The following FSIP1 variants were observed in gnomAD, a reference collection of about 807,000 sequenced individuals.
FSIP1 encodes the protein fibrous sheath-interacting protein 1.
In FSIP1, 65 loss-of-function variants were observed where a neutral mutation model predicts 60.9. The ratio of observed to expected loss-of-function variants is 1.07; its 90% CI spans 0.87 to 1.31. The LOEUF (loss-of-function observed/expected upper bound fraction) is 1.31, where lower values mean the gene tolerates loss of function less well. Among genes scored for constraint, FSIP1 ranks in the 40% most tolerant of loss-of-function variants. The pLI, the probability that FSIP1 is intolerant of heterozygous loss-of-function variation, is 0.00. For missense variants in FSIP1, 675 were observed against 665.5 expected (o/e 1.01, Z -0.16); for synonymous variants, 209 against 221.2 (o/e 0.94, Z 0.49).
intron 3 of FSIP1, 56 bp from the exon 4 acceptor site, chr15:39,765,802 T>A: frequency 1.0e-6 from 1 of 979,050 alleles, no homozygotes; most frequent in Non-Finnish European, 1.5e-6. Context: ...TATAAAGTTT[T>A]GTTTTGTTCT....
At chr15:39,724,380 T>C (rs906634977) in intron 9 of FSIP1, among the ~76,000 whole-genome samples, 1 of 151,920 alleles carries the variant, frequency 6.6e-6, no homozygotes, top group African/African-American at 2.4e-5. Flanking sequence ...GCCTCCCAAG[T>C]AGCTGGGACT....
Position 39,600,821 on chromosome 15 carries a change from A to C in FSIP1, c.*59T>G. ...TTCATTGAATTCAAATAATTCAATA[A>C]GAAATTTAATTTAACTTCATTACCA... On this transcript the variant is annotated 3_prime_UTR_variant, in exon 12 of 12. Transcript: ENST00000350221. 1.5e-6 allele frequency: 2 copies of C among 1,358,248 alleles called. No individual in the cohort carries two copies. Among genetic ancestry groups the C allele is most frequent in the South Asian group, 1.3e-5 (1 of 79,508 alleles). The allele number at this position is 1,358,248 out of a possible 1,614,324, so 84.1% of individuals were successfully genotyped here.
chr15:39,765,838 A>G, intron 3 of FSIP1, 92 bp from the exon 4 acceptor site: 2 of 685,578 alleles, frequency 2.9e-6, no homozygotes, highest in Non-Finnish European at 2.4e-6. Flanking sequence ...CATTCAACAA[A>G]TATTTATAGC....
rs759239988 is a variant in FSIP1 at position 39,776,440 on chromosome 15, C to G, written c.85G>C (p.Ala29Pro). Residue 29 changes from alanine (A) to proline (P), a missense_variant, in exon 2 of 12, where the codon GCT becomes CCT. Transcript: ENST00000350221. ...RIRPGSRSSN[A>P]SLEVLSTEPG... is the part of the protein sequence containing the mutation. ...TCTGTTGAGAGCACCTCCAAAGAAG[C>G]ATTTGAACTTCTGCTCCCAGGGCGT... 1.2e-6 allele frequency: 2 copies of G among 1,613,304 alleles called. No homozygotes were observed. The highest frequency in any genetic ancestry group is 1.7e-6 in the Non-Finnish European group (2 of 1,179,560).
chr15:39,778,696 T>C (rs1286478416), intron 1 of FSIP1, among the ~76,000 whole-genome samples: 4 of 152,202 alleles, frequency 2.6e-5, no homozygotes, highest in Admixed American at 6.5e-5. Flanking sequence ...CTTAATTATA[T>C]TGAGTGTTCG....
At chr15:39,681,050 C>T (rs1595607533) in intron 10 of FSIP1, among the ~76,000 whole-genome samples, 2 of 152,128 alleles carry the variant, frequency 1.3e-5, no homozygotes, top group Admixed American at 1.3e-4. Flanking sequence ...AGCCACGACC[C>T]CCTTCTACAA....
chr15:39,633,663 T>C (rs1017833215), intron 10 of FSIP1, among the ~76,000 whole-genome samples: 16 of 152,184 alleles, frequency 1.1e-4, no homozygotes, highest in African/African-American at 3.9e-4. Flanking sequence ...ATTGAATAAA[T>C]ATATAAATTT....
intron 3 of FSIP1, among the ~76,000 whole-genome samples, chr15:39,768,038 T>A (rs1027102200): frequency 6.6e-6 from 1 of 152,162 alleles, no homozygotes; most frequent in African/African-American, 2.4e-5. Flanking sequence ...CACTTGGGAT[T>A]TGGGAGTTGT....
chr15:39,712,917 T>C (rs1049786251), intron 10 of FSIP1, among the ~76,000 whole-genome samples: 4 of 152,084 alleles, frequency 2.6e-5, no homozygotes, highest in Admixed American at 1.3e-4. Flanking sequence ...GAATTTAAGC[T>C]ATAAGTTCAA....
intron 10 of FSIP1, among the ~76,000 whole-genome samples, chr15:39,632,924 C>T (rs1356575262): frequency 1.3e-5 from 2 of 151,976 alleles, no homozygotes; most frequent in African/African-American, 4.8e-5. Context: ...TCTCTCAAAT[C>T]GGGTAATAAG....
chr15:39,691,004 C>T (rs1473395533), intron 10 of FSIP1, among the ~76,000 whole-genome samples: 1 of 151,998 alleles, frequency 6.6e-6, no homozygotes. Context: ...TAAAACTGAG[C>T]CAAAAAAGAG....
At chr15:39,710,078 G>C (rs1895435420) in intron 10 of FSIP1, among the ~76,000 whole-genome samples, 1 of 152,190 alleles carries the variant, frequency 6.6e-6, no homozygotes, top group Admixed American at 6.5e-5. Flanking sequence ...TGCGTTTTCA[G>C]AGTTTGAAAC....
intron 10 of FSIP1, among the ~76,000 whole-genome samples, chr15:39,624,462 C>T (rs988145126): frequency 6.6e-6 from 1 of 152,210 alleles, no homozygotes; most frequent in Non-Finnish European, 1.5e-5. Context: ...CAGAACAGCA[C>T]TATCGAGTCT....
At chr15:39,697,682 T>C (rs1042871588) in intron 10 of FSIP1, among the ~76,000 whole-genome samples, 5 of 152,234 alleles carry the variant, frequency 3.3e-5, no homozygotes, top group African/African-American at 1.2e-4. Flanking sequence ...TCATTTTAGA[T>C]AGACATTGTG....
At chr15:39,693,558 T>C (rs1320517988) in intron 10 of FSIP1, among the ~76,000 whole-genome samples, 1 of 152,208 alleles carries the variant, frequency 6.6e-6, no homozygotes, top group Non-Finnish European at 1.5e-5. Flanking sequence ...GATTTAAGTA[T>C]TTTAGCAATC....
chr15:39,761,014 C>A (rs61695850), intron 5 of FSIP1, among the ~76,000 whole-genome samples: 7,524 of 151,952 alleles, frequency 0.05, 659 homozygotes, highest in East Asian at 0.2. Context: ...ACAAATTAAC[C>A]ACAATGAACT....
intron 10 of FSIP1, among the ~76,000 whole-genome samples, chr15:39,666,620 T>C (rs1486344539): frequency 1.3e-5 from 2 of 152,168 alleles, no homozygotes; most frequent in African/African-American, 4.8e-5. Context: ...AACCCAAATT[T>C]TTTAATTTTT....
intron 5 of FSIP1, among the ~76,000 whole-genome samples, chr15:39,746,041 T>C (rs886610543): frequency 4.6e-5 from 7 of 151,982 alleles, no homozygotes; most frequent in African/African-American, 1.7e-4. Context: ...ATCATGCCAC[T>C]GCACTACAGC....
chr15:39,607,456 A>T (rs77296383), intron 11 of FSIP1, among the ~76,000 whole-genome samples: 4,008 of 152,282 alleles, frequency 0.026, 166 homozygotes, highest in African/African-American at 0.092. Flanking sequence ...GGAAGAGAAG[A>T]GTGCTAGTTA....
Sources: gnomAD v4.1 joint callset for allele counts (sites outside exome capture counted in the v4.1 genomes callset) on GRCh38, gnomAD v4.1.1 for gene constraint, MANE v1.5 for transcripts, NCBI Gene and HGNC (gene_info 2026-07-23, HGNC 2026-07-21) for gene names.